Variants in RAD51B observed in about 807,000 individuals in gnomAD.
RAD51B encodes the protein DNA repair protein RAD51 homolog 2.
Under a neutral mutation model 42.2 loss-of-function variants are expected in RAD51B, and 38 were observed. The observed-to-expected ratio is 0.90, with a 90% CI of 0.70 to 1.18. The LOEUF (loss-of-function observed/expected upper bound fraction) is 1.18. Ranked by LOEUF, RAD51B falls within the 50% of genes most tolerant of loss-of-function variation. The probability of loss-of-function intolerance (pLI) is 0.00; values close to 1 mark genes in which losing one functional copy is unlikely to be tolerated. For synonymous variants in RAD51B, 154 were observed against 145.2 expected (o/e 1.06, Z -0.43); for missense variants, 373 against 400.7 (o/e 0.93, Z 0.59).
At chr14:68,185,188 C>T (rs117885263) in intron 7 of RAD51B, among the ~76,000 whole-genome samples, 349 of 152,312 alleles carry the variant, frequency 2.3e-3, no homozygotes, top group Non-Finnish European at 2.9e-3. Context: ...TTCAGCCCCA[C>T]TACCTCATAG....
chr14:68,525,816 G>A (rs539153554), intron 10 of RAD51B, among the ~76,000 whole-genome samples: 4 of 152,302 alleles, frequency 2.6e-5, no homozygotes, highest in African/African-American at 9.6e-5. Context: ...TCCGGCATAT[G>A]GAATTAGCAT....
At chr14:68,251,167 C>T (rs982021605) in intron 7 of RAD51B, among the ~76,000 whole-genome samples, 3 of 151,648 alleles carry the variant, frequency 2.0e-5, no homozygotes, top group Non-Finnish European at 1.5e-5. Context: ...AGAAGTGATT[C>T]ATCTTCTTCT....
chr14:68,308,699 G>T, intron 8 of RAD51B, among the ~76,000 whole-genome samples: 3 of 67,108 alleles, frequency 4.5e-5, no homozygotes, highest in Admixed American at 3.9e-4. Context: ...TTATATCTGT[G>T]TCATTAAAAA....
chr14:67,962,910 A>G (rs2074699271), intron 7 of RAD51B, among the ~76,000 whole-genome samples: 1 of 152,162 alleles, frequency 6.6e-6, no homozygotes. Context: ...GAGATTATTA[A>G]TCTTATTCAT....
intron 10 of RAD51B, among the ~76,000 whole-genome samples, chr14:68,632,274 C>T (rs1353874545): frequency 6.6e-6 from 1 of 152,196 alleles, no homozygotes; most frequent in African/African-American, 2.4e-5. Context: ...AAGCCACTGA[C>T]TTTTCCTTCA....
chr14:67,858,290 C>T (rs532754172), intron 4 of RAD51B, among the ~76,000 whole-genome samples: 14 of 152,186 alleles, frequency 9.2e-5, no homozygotes, highest in South Asian at 6.2e-4. Context: ...GGACAATTGA[C>T]GGATGGTGAA....
At chr14:68,154,396 C>G (rs977627487) in intron 7 of RAD51B, among the ~76,000 whole-genome samples, 1 of 152,188 alleles carries the variant, frequency 6.6e-6, no homozygotes, top group African/African-American at 2.4e-5. Flanking sequence ...TAAAAATAGG[C>G]ATTATTCTTG....
intron 7 of RAD51B, among the ~76,000 whole-genome samples, chr14:68,087,883 A>C (rs1245438406): frequency 9.8e-5 from 8 of 81,842 alleles, no homozygotes; most frequent in Non-Finnish European, 1.8e-4. Flanking sequence ...TATTTATATA[A>C]TTATATAATA....
intron 7 of RAD51B, among the ~76,000 whole-genome samples, chr14:68,042,059 A>T (rs988496823): frequency 6.6e-6 from 1 of 152,098 alleles, no homozygotes; most frequent in African/African-American, 2.4e-5. Flanking sequence ...ATTCTGAAGT[A>T]CTCCAGTGCG....
chr14:68,536,406 A>G (rs1416143423), intron 10 of RAD51B, among the ~76,000 whole-genome samples: 1 of 152,226 alleles, frequency 6.6e-6, no homozygotes, highest in Non-Finnish European at 1.5e-5. Context: ...AAGCAGATTG[A>G]ATTTTTTTAG....
chr14:68,300,556 C>T (rs2081708245), intron 8 of RAD51B, among the ~76,000 whole-genome samples: 1 of 152,176 alleles, frequency 6.6e-6, no homozygotes, highest in South Asian at 2.1e-4. Context: ...TATCACTAGT[C>T]CATGCCATCA....
chr14:67,846,898 A>T (rs909708016), intron 4 of RAD51B, among the ~76,000 whole-genome samples: 2 of 152,024 alleles, frequency 1.3e-5, no homozygotes, highest in Non-Finnish European at 2.9e-5. Context: ...TGGGTTCCAC[A>T]CTGCATTCCT....
At chr14:68,435,127 C>T (rs906368173) in intron 9 of RAD51B, among the ~76,000 whole-genome samples, 9 of 152,118 alleles carry the variant, frequency 5.9e-5, no homozygotes, top group African/African-American at 1.4e-4. Context: ...TCCCATCACC[C>T]GGGTAGTAAG....
chr14:68,074,856 T>A lies in RAD51B; in HGVS notation c.756+187652T>A, dbSNP rs559933413. Among the ~76,000 whole-genome samples, 3 of 152,364 alleles carry A rather than the reference T, an allele frequency of 2.0e-5. No individual in the cohort carries two copies. In the East Asian group the frequency reaches 5.8e-4, roughly 29 times the overall value. On this transcript the variant is annotated intron_variant, in intron 7 of 10. Coordinates refer to ENST00000471583, the MANE Select transcript of RAD51B (RefSeq NM_133510.4). ...TCCAGTAGATGGTGCTTAAACATAA[T>A]GGCCTGTAGGTAGGTTCTTGCTCAG...
chr14:68,125,526 A>G (rs1424663301), intron 7 of RAD51B: 1 of 152,228 alleles, frequency 6.6e-6, no homozygotes, highest in Non-Finnish European at 1.5e-5. Context: ...GGGCTTCATC[A>G]ATGCAAATGA....
chr14:67,841,154 T>C (rs1297265934), intron 4 of RAD51B, among the ~76,000 whole-genome samples: 1 of 152,204 alleles, frequency 6.6e-6, no homozygotes, highest in Non-Finnish European at 1.5e-5. Context: ...TATCTCATTG[T>C]GGTTTTGATT....
intron 8 of RAD51B, among the ~76,000 whole-genome samples, chr14:68,370,077 C>T (rs573211396): frequency 3.9e-5 from 6 of 152,142 alleles, no homozygotes; most frequent in African/African-American, 9.7e-5. Context: ...CCTAGTGTTC[C>T]ATTAGTGGAA....
chr14:68,287,000 T>G (rs1315911639), intron 7 of RAD51B, among the ~76,000 whole-genome samples: 1 of 152,064 alleles, frequency 6.6e-6, no homozygotes. Context: ...GTGTGTGTGT[T>G]GTGTGTGTGT....
chr14:68,327,582 A>G (rs1040734526), intron 8 of RAD51B, among the ~76,000 whole-genome samples: 1 of 152,028 alleles, frequency 6.6e-6, no homozygotes, highest in Non-Finnish European at 1.5e-5. Context: ...ATCAATGACC[A>G]TATTACCCAA....
Sources: gnomAD v4.1 joint callset for allele counts (sites outside exome capture counted in the v4.1 genomes callset) on GRCh38, gnomAD v4.1.1 for gene constraint, MANE v1.5 for transcripts, NCBI Gene and HGNC (gene_info 2026-07-23, HGNC 2026-07-21) for gene names.